Variants in EYS observed in about 807,000 individuals in gnomAD.
EYS encodes protein eyes shut homolog.
In EYS, 250 loss-of-function variants were observed where a neutral mutation model predicts 282.1. That is an observed-to-expected ratio of 0.89 (90% CI 0.80 to 0.98). The LOEUF is 0.98. EYS is among the 50% of genes least tolerant of loss of function. EYS has a pLI of 0.00. For missense variants in EYS, 4,016 were observed against 3,709.0 expected (o/e 1.08, Z -2.15); for synonymous variants, 1,355 against 1,282.9 (o/e 1.06, Z -1.20).
At chr6:65,197,651 C>T (rs1254443732) in intron 12 of EYS, among the ~76,000 whole-genome samples, 2 of 152,064 alleles carry the variant, frequency 1.3e-5, no homozygotes, top group East Asian at 3.9e-4. Context: ...ATAGAGTGTA[C>T]TTCCACAAAC....
chr6:65,647,579 G>GA (rs1767496050), intron 1 of EYS, among the ~76,000 whole-genome samples: 2 of 152,094 alleles, frequency 1.3e-5, no homozygotes, highest in African/African-American at 2.4e-5. Context: ...TATAACATCA[G>GA]AAAAACCATT....
chr6:64,743,306 A>T (rs1250276469), intron 22 of EYS, among the ~76,000 whole-genome samples: 1 of 152,136 alleles, frequency 6.6e-6, no homozygotes, highest in Admixed American at 6.5e-5. Flanking sequence ...TGTAGGTGAC[A>T]AAAGACAAAA....
chr6:64,568,823 G>T (rs1765634007), intron 26 of EYS, among the ~76,000 whole-genome samples: 1 of 152,080 alleles, frequency 6.6e-6, no homozygotes, highest in Non-Finnish European at 1.5e-5. Context: ...CTCCGCTGGT[G>T]ATACCTAGGC....
intron 2 of EYS, among the ~76,000 whole-genome samples, chr6:65,588,850 G>A (rs1466293380): frequency 6.6e-6 from 1 of 151,882 alleles, no homozygotes; most frequent in African/African-American, 2.4e-5. Flanking sequence ...AATTTGGATA[G>A]TTTTGATATA....
At chr6:65,189,113 A>G (rs1765582229) in intron 12 of EYS, among the ~76,000 whole-genome samples, 1 of 151,640 alleles carries the variant, frequency 6.6e-6, no homozygotes, top group Non-Finnish European at 1.5e-5. Context: ...GCAATATAGC[A>G]TGTGCTTAAG....
At chr6:64,730,753 G>C (rs376654317) in intron 22 of EYS, 1 of 152,160 alleles carries the variant, frequency 6.6e-6, no homozygotes, top group African/African-American at 2.4e-5. Context: ...TGGGATTACA[G>C]CCATGAGCCA....
intron 1 of EYS, among the ~76,000 whole-genome samples, chr6:65,698,943 T>C (rs1304121697): frequency 6.6e-6 from 1 of 152,198 alleles, no homozygotes. Flanking sequence ...TCTAAACTGA[T>C]ACAACATAAT....
intron 5 of EYS, among the ~76,000 whole-genome samples, chr6:65,412,048 T>G (rs537199917): frequency 6.6e-6 from 1 of 152,172 alleles, no homozygotes; most frequent in South Asian, 2.1e-4. Context: ...ACAGTGGAGC[T>G]CTCATGTATA....
chr6:64,626,306 T>G (rs1205766926), intron 22 of EYS, 61 bp from the exon 23 acceptor site: 1 of 1,480,998 alleles, frequency 6.8e-7, no homozygotes, highest in Non-Finnish European at 8.9e-7. Context: ...CTATCACTTT[T>G]CATCTTGGGA....
intron 31 of EYS, among the ~76,000 whole-genome samples, chr6:64,102,443 T>A: frequency 6.6e-6 from 1 of 152,198 alleles, no homozygotes; most frequent in Middle Eastern, 3.4e-3. Context: ...ATATCTTAAA[T>A]GATAATAAAA....
chr6:64,447,074 ATAAT>A (rs1052782842), intron 26 of EYS, among the ~76,000 whole-genome samples: 2 of 152,022 alleles, frequency 1.3e-5, no homozygotes, highest in African/African-American at 2.4e-5. Context: ...ACACTTAAAT[ATAAT>A]TAATATTGAA....
At chr6:64,361,928 G>C (rs555747312) in intron 29 of EYS, among the ~76,000 whole-genome samples, 5 of 151,778 alleles carry the variant, frequency 3.3e-5, no homozygotes, top group African/African-American at 1.2e-4. Flanking sequence ...AAGCATCTTT[G>C]CTTTCTTGCA....
rs1292726736 is a variant in EYS, at chr6:65,036,188, C to G, written c.2137+21426G>C. 3.3e-5 allele frequency among the ~76,000 whole-genome samples: 5 copies of G among 151,454 alleles called. No individual in the cohort carries two copies. In the East Asian group the frequency reaches 9.8e-4, roughly 30 times the overall value. ...AGAAATAGAGCGGCACACCTAAAAC[C>G]ATCTGATTTTCAACAAAGTCAAGAA... On this transcript the variant is annotated intron_variant, in intron 13 of 42. Transcript: ENST00000503581.
At chr6:65,066,648 A>C (rs1773754302) in intron 12 of EYS, among the ~76,000 whole-genome samples, 1 of 152,186 alleles carries the variant, frequency 6.6e-6, no homozygotes, top group Non-Finnish European at 1.5e-5. Context: ...CAACATATTC[A>C]AAAGACTGAA....
intron 22 of EYS, among the ~76,000 whole-genome samples, chr6:64,648,866 T>A (rs923162197): frequency 3.3e-5 from 5 of 152,194 alleles, no homozygotes; most frequent in African/African-American, 1.2e-4. Context: ...TACATGGAGT[T>A]TAATATCTTA....
At chr6:64,650,342 T>TA (rs1448840774) in intron 22 of EYS, among the ~76,000 whole-genome samples, 1 of 151,968 alleles carries the variant, frequency 6.6e-6, no homozygotes, top group African/African-American at 2.4e-5. Context: ...AACATTAATT[T>TA]AAAAATACTT....
At chr6:64,572,827 G>T (rs1765769037) in intron 26 of EYS, among the ~76,000 whole-genome samples, 1 of 152,084 alleles carries the variant, frequency 6.6e-6, no homozygotes, top group South Asian at 2.1e-4. Flanking sequence ...AATAAATATT[G>T]TGAAAATGGC....
At chr6:65,185,506 A>T (rs1211517799) in intron 12 of EYS, among the ~76,000 whole-genome samples, 1 of 151,876 alleles carries the variant, frequency 6.6e-6, no homozygotes, top group African/African-American at 2.4e-5. Flanking sequence ...CTGGAGTTTA[A>T]TCAATTTATT....
chr6:64,905,493 T>A (rs1343737523), intron 16 of EYS, among the ~76,000 whole-genome samples: 2 of 152,232 alleles, frequency 1.3e-5, no homozygotes, highest in Non-Finnish European at 2.9e-5. Context: ...GTCTTGATCC[T>A]TTTCTTACAC....
Sources: gnomAD v4.1 joint callset for allele counts (sites outside exome capture counted in the v4.1 genomes callset) on GRCh38, gnomAD v4.1.1 for gene constraint, MANE v1.5 for transcripts, NCBI Gene and HGNC (gene_info 2026-07-23, HGNC 2026-07-21) for gene names.